ZMYND12: variants seen among roughly 807,000 people sequenced by gnomAD.
The protein encoded by ZMYND12 is zinc finger MYND-type containing 12, also known as zinc finger MYND domain-containing protein 12.
A neutral mutation model predicts 41.7 loss-of-function variants in ZMYND12; 32 were observed. The ratio of observed to expected loss-of-function variants is 0.77; its 90% CI spans 0.58 to 1.03. ZMYND12 has a LOEUF of 1.03. ZMYND12 is among the 50% of genes least tolerant of loss of function. ZMYND12 has a pLI of 0.00. For missense variants in ZMYND12, 424 were observed against 438.5 expected, an observed-to-expected ratio of 0.97 and a Z score of 0.30; for synonymous variants, 148 against 164.8, an observed-to-expected ratio of 0.90 and a Z score of 0.78.
intron 3 of ZMYND12, among the ~76,000 whole-genome samples, chr1:42,446,536 C>T (rs759122997): frequency 2.6e-4 from 39 of 151,826 alleles, no homozygotes; most frequent in Non-Finnish European, 4.3e-4. Context: ...CCTGTTGTCC[C>T]AGCTACTCGG....
intron 4 of ZMYND12, among the ~76,000 whole-genome samples, 179 bp downstream of exon 4, chr1:42,439,677 T>C (rs1194266551): frequency 6.6e-6 from 1 of 152,196 alleles, no homozygotes; most frequent in African/African-American, 2.4e-5. Flanking sequence ...GAAGTAGAAA[T>C]GCTTGAACTC....
At chr1:42,446,830 C>G (rs1643029149) in intron 3 of ZMYND12, among the ~76,000 whole-genome samples, 1 of 152,036 alleles carries the variant, frequency 6.6e-6, no homozygotes, top group South Asian at 2.1e-4. Context: ...TTTTCACTTT[C>G]CACTGAAAGA....
intron 4 of ZMYND12, among the ~76,000 whole-genome samples, chr1:42,438,833 T>G (rs1207629996): frequency 6.6e-6 from 1 of 152,200 alleles, no homozygotes; most frequent in Non-Finnish European, 1.5e-5. Flanking sequence ...AGAACCAACC[T>G]GCATGGAGAC....
intron 5 of ZMYND12, among the ~76,000 whole-genome samples, chr1:42,436,087 C>T (rs946441710): frequency 2.0e-5 from 3 of 152,190 alleles, no homozygotes; most frequent in Non-Finnish European, 4.4e-5. Flanking sequence ...CCTTCTCTAT[C>T]GCACACTTCA....
At chr1:42,450,891 A>G (rs546307745) in intron 1 of ZMYND12, among the ~76,000 whole-genome samples, 7 of 152,158 alleles carry the variant, frequency 4.6e-5, no homozygotes, top group Non-Finnish European at 7.4e-5. Context: ...AAATTTACCA[A>G]ATTTCCTTGT....
intron 3 of ZMYND12, among the ~76,000 whole-genome samples, chr1:42,441,418 C>T (rs976946625): frequency 6.6e-6 from 1 of 152,168 alleles, no homozygotes; most frequent in East Asian, 1.9e-4. Flanking sequence ...ATGCTCAAGG[C>T]TCTAATATAA....
At chr1:42,441,347 T>C (rs1440501740) in intron 3 of ZMYND12, among the ~76,000 whole-genome samples, 1 of 152,206 alleles carries the variant, frequency 6.6e-6, no homozygotes, top group Admixed American at 6.5e-5. Context: ...CATAGAACTA[T>C]ATAGAGTCAC....
At chr1:42,455,539 G>A (rs1433260874) in intron 1 of ZMYND12, among the ~76,000 whole-genome samples, 3 of 152,232 alleles carry the variant, frequency 2.0e-5, no homozygotes, top group Non-Finnish European at 4.4e-5. Context: ...CTCCCGAAGT[G>A]CTGGGATTAC....
rs1174948245 is a variant in ZMYND12 at position 42,439,942 on chromosome 1, T to C, written c.508A>G (p.Thr170Ala). The change falls in exon 4 of 8, where the codon ACC becomes GCC. Residue 170 changes from threonine (T) to alanine (A), a missense_variant. By Grantham distance (58) the Thr-to-Ala change is moderately conservative. Transcript: ENST00000372565. ...VLKSTDCSNA[T>A]HSLLHRNLGL... The stretch of plus-strand genomic sequence containing the variant: ...AGATTCCGATGCAGTAAAGAGTGGG[T>C]GGCATTACTACAGTCAGTTGATTTG... 5.0e-6 allele frequency: 8 copies of C among 1,613,988 alleles called. No homozygotes were observed. The highest frequency in any genetic ancestry group is 6.8e-6 in the Non-Finnish European group (8 of 1,180,016).
At chr1:42,448,667 G>A (rs367703949) in intron 2 of ZMYND12, 29 bp from the exon 3 acceptor site, 3 of 1,578,908 alleles carry the variant, frequency 1.9e-6, no homozygotes, top group African/African-American at 1.3e-5. Flanking sequence ...GACTATCTGA[G>A]ACAGTCTAAA....
chr1:42,438,953 AAT>A (rs1419421976), intron 4 of ZMYND12, among the ~76,000 whole-genome samples: 6 of 152,176 alleles, frequency 3.9e-5, no homozygotes, highest in Non-Finnish European at 7.3e-5. Context: ...TTGAAAGAAC[AAT>A]TCAGTTATCA....
intron 7 of ZMYND12, chr1:42,432,924 T>C (rs1642869254): frequency 1.9e-6 from 1 of 534,980 alleles, no homozygotes; most frequent in Non-Finnish European, 3.2e-6. Context: ...TCTTTATCTA[T>C]GCAAGACTGG....
At chr1:42,439,770 A>T (rs2148406357) in intron 4 of ZMYND12, 86 bp downstream of exon 4, 3 of 1,377,828 alleles carry the variant, frequency 2.2e-6, no homozygotes, top group Non-Finnish European at 2.9e-6. Flanking sequence ...GCACAGTTTT[A>T]AAAAAATTAA....
intron 3 of ZMYND12, among the ~76,000 whole-genome samples, chr1:42,442,241 G>A (rs1455511353): frequency 2.0e-5 from 3 of 152,188 alleles, no homozygotes; most frequent in Admixed American, 6.5e-5. Flanking sequence ...CCAATGTGGA[G>A]GAGGGACCAG....
rs2148403952 is a variant in ZMYND12, at chr1:42,433,188, C to T, written c.930G>A (p.Leu310=). ...GGTAGTAAAACATGACCAGGATCTT[C>T]AGAACAAAGATGGTTTTTTGGGGGG... The part of the protein sequence containing the change: ...DKAPQKTIFV[L]KILVMFYYLM... Residue 310 remains leucine, a synonymous_variant, in exon 7 of 8, where the codon CTG becomes CTA. Transcript: ENST00000372565. 6.2e-7 allele frequency: 1 copy of T among 1,609,502 alleles called. No individual in the cohort carries two copies. The highest frequency in any genetic ancestry group is 8.5e-7 in the Non-Finnish European group (1 of 1,178,100).
intron 1 of ZMYND12, 139 bp from the exon 2 acceptor site, chr1:42,450,198 G>A: frequency 2.3e-6 from 2 of 884,292 alleles, no homozygotes; most frequent in Non-Finnish European, 3.5e-6. Context: ...AGCCATTTCT[G>A]AGACTCAAAT....
Position 42,436,192 on chromosome 1 carries a change from C to T in ZMYND12, c.717+229G>A, listed in dbSNP as rs556144843. 3.5e-4 allele frequency among the ~76,000 whole-genome samples: 54 copies of T among 152,232 alleles called. 1 individual carries two copies. In the South Asian group the frequency reaches 8.5e-3, roughly 24 times the overall value. On this transcript the variant is annotated intron_variant, in intron 5 of 7. Transcript: ENST00000372565. The stretch of plus-strand genomic sequence containing the variant: ...TCTTACTGACCTGTCCTTCATTATT[C>T]GTTAATCACCCTACGGATGTTAAGG...
intron 7 of ZMYND12, 85 bp from the exon 8 acceptor site, chr1:42,430,943 CATG>C: frequency 1.9e-6 from 3 of 1,564,882 alleles, no homozygotes; most frequent in Non-Finnish European, 2.6e-6. Flanking sequence ...ACTCCAGAAA[CATG>C]AGAGAGAACT....
chr1:42,447,724 A>T (rs921286529), intron 3 of ZMYND12, among the ~76,000 whole-genome samples: 2 of 152,216 alleles, frequency 1.3e-5, no homozygotes, highest in African/African-American at 4.8e-5. Flanking sequence ...TTTTACTTTT[A>T]AAAAAGTTTT....
Sources: allele counts gnomAD v4.1 joint callset (sites outside exome capture counted in the v4.1 genomes callset), GRCh38; gene constraint gnomAD v4.1.1; transcripts MANE v1.5; gene names NCBI Gene and HGNC (gene_info 2026-07-23, HGNC 2026-07-21).